The following CUL3 variants were observed in gnomAD, a reference collection of about 807,000 sequenced individuals.
CUL3 encodes the protein cullin 3, also known as cullin-3.
A neutral mutation model predicts 89.1 loss-of-function variants in CUL3; 19 were observed. The observed-to-expected ratio is 0.21, with a 90% CI of 0.15 to 0.31. CUL3 has a LOEUF of 0.31. CUL3 is among the 10% of genes least tolerant of loss of function. The pLI, the probability that CUL3 is intolerant of heterozygous loss-of-function variation, is 1.00. For missense variants in CUL3, 469 were observed against 942.3 expected (o/e 0.50, Z 6.58); for synonymous variants, 351 against 308.4 (o/e 1.14, Z -1.45).
At position 224,471,077 on chromosome 2, in the gene CUL3, C is replaced by T; in HGVS notation, c.*3168G>A. On this transcript the variant is annotated 3_prime_UTR_variant, in exon 16 of 16. Coordinates refer to ENST00000264414, the MANE Select transcript of CUL3 (RefSeq NM_003590.5). ...CATATGATAAGCACTTAAATGTTAACATTTCTAATTATTTCTGCTTTGAGG... is the reference window on the plus strand; with the variant it reads ...CATATGATAAGCACTTAAATGTTAATATTTCTAATTATTTCTGCTTTGAGG... 4.5e-6 allele frequency: 1 copy of T among 223,130 alleles called. No homozygotes were observed. Among genetic ancestry groups the T allele is most frequent in the Non-Finnish European group, 8.9e-6 (1 of 111,830 alleles). The allele number at this position is 223,130 out of a possible 1,614,324, so 13.8% of individuals were successfully genotyped here. A position where few individuals can be genotyped will look rare whatever the true frequency, so the allele number is the denominator to read the frequency against.
intron 5 of CUL3, among the ~76,000 whole-genome samples, chr2:224,512,171 C>G (rs1283771254): frequency 6.6e-6 from 1 of 151,926 alleles, no homozygotes; most frequent in Non-Finnish European, 1.5e-5. Context: ...TCTCAGCTCA[C>G]TGCAAGCTCC....
At chr2:224,501,268 C>T (rs192522817) in intron 10 of CUL3, among the ~76,000 whole-genome samples, 2 of 152,278 alleles carry the variant, frequency 1.3e-5, no homozygotes, top group Admixed American at 1.3e-4. Flanking sequence ...TAGCATGTAG[C>T]TCACATTCTA....
intron 13 of CUL3, among the ~76,000 whole-genome samples, chr2:224,486,216 A>G (rs998056559): frequency 6.6e-6 from 1 of 152,168 alleles, no homozygotes; most frequent in African/African-American, 2.4e-5. Flanking sequence ...CCTCCAAAGG[A>G]TCAGAACTCC....
intron 1 of CUL3, among the ~76,000 whole-genome samples, chr2:224,580,949 C>T (rs919091145): frequency 1.3e-5 from 2 of 150,388 alleles, no homozygotes; most frequent in South Asian, 2.1e-4. Flanking sequence ...GAAATGGGGG[C>T]GTGGATTTTG....
At chr2:224,579,635 C>A (rs1695388886) in intron 1 of CUL3, among the ~76,000 whole-genome samples, 1 of 152,206 alleles carries the variant, frequency 6.6e-6, no homozygotes, top group African/African-American at 2.4e-5. Context: ...GCTGTCCATG[C>A]TACACAAGTG....
intron 3 of CUL3, among the ~76,000 whole-genome samples, chr2:224,528,196 G>C (rs936134044): frequency 1.3e-5 from 2 of 152,150 alleles, no homozygotes; most frequent in Non-Finnish European, 2.9e-5. Context: ...GCAGGCTAAA[G>C]CAAAGATGTT....
chr2:224,511,313 C>A (rs1329121920), intron 6 of CUL3, 41 bp downstream of exon 6: 28 of 1,383,340 alleles, frequency 2.0e-5, no homozygotes, highest in Non-Finnish European at 2.8e-5. Flanking sequence ...ATCGATAAGG[C>A]AGAGTAAGGA....
chr2:224,515,992 A>C (rs930072592), intron 3 of CUL3, among the ~76,000 whole-genome samples: 5 of 151,942 alleles, frequency 3.3e-5, no homozygotes, highest in African/African-American at 9.6e-5. Context: ...GCCCGGCCCC[A>C]AACAATTTTA....
chr2:224,511,196 G>A (rs1359258693), intron 6 of CUL3, among the ~76,000 whole-genome samples, 158 bp downstream of exon 6: 3 of 152,302 alleles, frequency 2.0e-5, no homozygotes, highest in African/African-American at 7.2e-5. Context: ...ACAGAATCAA[G>A]CTTGGAAATC....
intron 3 of CUL3, among the ~76,000 whole-genome samples, chr2:224,534,720 C>T (rs547328048): frequency 2.6e-5 from 4 of 152,186 alleles, no homozygotes; most frequent in East Asian, 1.9e-4. Context: ...CAGTGGCTCA[C>T]GCCTGTAATC....
chr2:224,497,869 GT>G lies in CUL3; in HGVS notation c.1611-21del. 6.3e-7 allele frequency: 1 copy of G among 1,588,778 alleles called. No individual in the cohort carries two copies. The highest frequency in any genetic ancestry group is 8.6e-7 in the Non-Finnish European group (1 of 1,157,814). ...TAGAACCTTCAGTAAATCAAACCAGGTTTTAGAAAATCAAACAAACTTACAC... is the reference window on the plus strand; with the variant it reads ...TAGAACCTTCAGTAAATCAAACCAGGTTTAGAAAATCAAACAAACTTACAC... On this transcript the variant is annotated intron_variant, in intron 11 of 15. Coordinates refer to ENST00000264414, the MANE Select transcript of CUL3 (RefSeq NM_003590.5).
intron 15 of CUL3, among the ~76,000 whole-genome samples, chr2:224,477,783 T>C (rs1691377908): frequency 6.6e-6 from 1 of 152,220 alleles, no homozygotes; most frequent in Non-Finnish European, 1.5e-5. Context: ...ACCAATACTT[T>C]ACCCAGGTCC....
intron 1 of CUL3, among the ~76,000 whole-genome samples, chr2:224,582,360 C>T (rs183646719): frequency 3.9e-5 from 6 of 152,292 alleles, no homozygotes; most frequent in South Asian, 4.1e-4. Context: ...ATCTGGAAGA[C>T]AGGAATTTTG....
intron 3 of CUL3, among the ~76,000 whole-genome samples, chr2:224,524,955 C>T (rs1011158340): frequency 6.2e-5 from 9 of 145,850 alleles, no homozygotes; most frequent in Non-Finnish European, 1.5e-5. Context: ...ACTAAAATAA[C>T]ATGTAAATAA....
chr2:224,582,780 CA>C (rs957520444), intron 1 of CUL3, among the ~76,000 whole-genome samples: 2 of 152,132 alleles, frequency 1.3e-5, no homozygotes, highest in African/African-American at 4.8e-5. Flanking sequence ...ATATTAGCTC[CA>C]AAAGGCAGGG....
chr2:224,487,000 T>C (rs768361233), intron 13 of CUL3, among the ~76,000 whole-genome samples: 6 of 152,044 alleles, frequency 3.9e-5, no homozygotes, highest in Non-Finnish European at 7.4e-5. Flanking sequence ...ACCCAGAATA[T>C]CATATCCAGC....
At chr2:224,522,571 C>A (rs1250709828) in intron 3 of CUL3, among the ~76,000 whole-genome samples, 1 of 152,098 alleles carries the variant, frequency 6.6e-6, no homozygotes, top group Non-Finnish European at 1.5e-5. Context: ...TAAAAATTTT[C>A]TTAAAATCTT....
intron 14 of CUL3, 96 bp from the exon 15 acceptor site, chr2:224,478,441 C>A (rs1239065400): frequency 1.7e-6 from 2 of 1,151,974 alleles, no homozygotes; most frequent in Non-Finnish European, 2.4e-6. Context: ...CAGATAAAAA[C>A]CAATTTCAGC....
Position 224,495,955 on chromosome 2 carries a change from A to C in CUL3, c.1719T>G (p.Ser573=), listed in dbSNP as rs762512387. Residue 573 remains serine, a synonymous_variant, in exon 13 of 16, where the codon TCT becomes TCG. Transcript: ENST00000264414. The stretch of plus-strand genomic sequence containing the variant: ...CTTGTGCACCTCCAACACCAACTTC[A>C]GATCCATCTTCCTGTTTCATTTTTA... ...FYGPVKKEDG[S]EVGVGGAQVT... 11 of 1,608,998 alleles carry C rather than the reference A, an allele frequency of 6.8e-6. No individual in the cohort carries two copies. Among genetic ancestry groups the C allele is most frequent in the Non-Finnish European group, 9.3e-6 (11 of 1,178,760 alleles).
Sources: gnomAD v4.1 joint callset for allele counts (sites outside exome capture counted in the v4.1 genomes callset) on GRCh38, gnomAD v4.1.1 for gene constraint, MANE v1.5 for transcripts, NCBI Gene and HGNC (gene_info 2026-07-23, HGNC 2026-07-21) for gene names.